Variants in LRRTM4 observed in about 807,000 individuals in gnomAD.
The protein encoded by LRRTM4 is leucine rich repeat transmembrane neuronal 4.
Under a neutral mutation model 47.6 loss-of-function variants are expected in LRRTM4, and 25 were observed. The ratio of observed to expected loss-of-function variants is 0.53; its 90% CI spans 0.38 to 0.73. The LOEUF is 0.73. LRRTM4 is among the 30% of genes least tolerant of loss of function. The probability of loss-of-function intolerance (pLI) is 0.00; values close to 1 mark genes in which losing one functional copy is unlikely to be tolerated. For missense variants in LRRTM4, 638 were observed against 713.4 expected (o/e 0.89, Z 1.20); for synonymous variants, 311 against 269.5 (o/e 1.15, Z -1.51).
At chr2:77,092,659 ACTTTCACTGG>A (rs1193861231) in intron 3 of LRRTM4, among the ~76,000 whole-genome samples, 20 of 144,908 alleles carry the variant, frequency 1.4e-4, no homozygotes, top group Middle Eastern at 6.8e-3. Context: ...CTAGGTAGAT[ACTTTCACTGG>A]ATAGGTACAG....
intron 3 of LRRTM4, among the ~76,000 whole-genome samples, chr2:77,490,862 C>A (rs1482095135): frequency 6.7e-6 from 1 of 150,264 alleles, no homozygotes; most frequent in Non-Finnish European, 1.5e-5. Context: ...AATGTGAGTC[C>A]AGTAAAAAGT....
chr2:77,130,977 G>T (rs1299721643), intron 3 of LRRTM4, among the ~76,000 whole-genome samples: 2 of 145,814 alleles, frequency 1.4e-5, no homozygotes, highest in East Asian at 4.1e-4. Flanking sequence ...TGGGACTACA[G>T]GCGCCCGCCA....
intron 3 of LRRTM4, among the ~76,000 whole-genome samples, chr2:77,407,705 A>AAT (rs1674265366): frequency 7.2e-6 from 1 of 139,590 alleles, no homozygotes; most frequent in African/African-American, 2.7e-5. Context: ...TGATATATAT[A>AAT]ATATATCATA....
At chr2:77,112,679 T>C (rs747082743) in intron 3 of LRRTM4, among the ~76,000 whole-genome samples, 1 of 151,580 alleles carries the variant, frequency 6.6e-6, no homozygotes, top group South Asian at 2.1e-4. Flanking sequence ...AAAGCATACA[T>C]AAATCAGAGA....
intron 3 of LRRTM4, among the ~76,000 whole-genome samples, chr2:77,398,439 C>CT (rs34136050): frequency 3.3e-5 from 5 of 151,600 alleles, no homozygotes; most frequent in South Asian, 2.1e-4. Flanking sequence ...CAAACACATA[C>CT]TTTTTTTTCA....
Position 76,796,181 on chromosome 2 carries a change from C to T in LRRTM4, c.1552-47265G>A, listed in dbSNP as rs942338709. On this transcript the variant is annotated intron_variant, in intron 3 of 3. Transcript: ENST00000409884. ...GCAGGGTCCTACGCCCACAGAGCCT[C>T]GCTGATTGCTAGCACAGCAGTCTGA... Among the ~76,000 whole-genome samples the T allele has an allele frequency of 2.6e-4, 38 of 143,796 alleles. 3 individuals are homozygous for T. Among genetic ancestry groups the T allele is most frequent in the African/African-American group, 6.1e-4 (24 of 39,412 alleles). 94.3% of individuals were successfully genotyped at this position (143,796 alleles called of 152,430 possible).
intron 3 of LRRTM4, among the ~76,000 whole-genome samples, chr2:77,154,101 A>C (rs937499770): frequency 6.6e-6 from 1 of 152,214 alleles, no homozygotes; most frequent in Non-Finnish European, 1.5e-5. Context: ...GGGACAGTGC[A>C]AAGTGTTCTT....
intron 3 of LRRTM4, among the ~76,000 whole-genome samples, chr2:76,960,727 T>A (rs1248814020): frequency 6.6e-6 from 1 of 151,732 alleles, no homozygotes; most frequent in African/African-American, 2.4e-5. Flanking sequence ...TCATTTGTTA[T>A]GTAACACTAT....
intron 3 of LRRTM4, among the ~76,000 whole-genome samples, chr2:77,357,698 A>T (rs1395161052): frequency 6.6e-6 from 1 of 152,250 alleles, no homozygotes; most frequent in African/African-American, 2.4e-5. Context: ...ATTTAAGATT[A>T]AAATGATGTA....
At chr2:76,921,535 A>G (rs150193110) in intron 3 of LRRTM4, among the ~76,000 whole-genome samples, 20 of 152,194 alleles carry the variant, frequency 1.3e-4, no homozygotes, top group African/African-American at 4.8e-4. Flanking sequence ...CTAACCTAAT[A>G]TAGCAGGTAG....
intron 3 of LRRTM4, among the ~76,000 whole-genome samples, chr2:77,046,060 A>G (rs1433888377): frequency 6.6e-6 from 1 of 151,920 alleles, no homozygotes; most frequent in Non-Finnish European, 1.5e-5. Context: ...CACATTCTGG[A>G]TTTGTACGTT....
chr2:76,893,754 G>T (rs1673324922), intron 3 of LRRTM4, among the ~76,000 whole-genome samples: 1 of 151,752 alleles, frequency 6.6e-6, no homozygotes, highest in South Asian at 2.1e-4. Context: ...CTTTCTCATT[G>T]CATCCTGCCC....
chr2:76,882,640 G>A (rs938879248), intron 3 of LRRTM4, among the ~76,000 whole-genome samples: 1 of 152,170 alleles, frequency 6.6e-6, no homozygotes, highest in Non-Finnish European at 1.5e-5. Context: ...CAACTAGTCA[G>A]TTGTAAAAAG....
Position 77,127,312 on chromosome 2 carries a change from G to C in LRRTM4, c.1552-378396C>G, listed in dbSNP as rs190451296. Among the ~76,000 whole-genome samples, 81 of 152,104 alleles carry C rather than the reference G, an allele frequency of 5.3e-4. No homozygotes were observed. In the East Asian group the frequency reaches 7.0e-3, roughly 13 times the overall value. On this transcript the variant is annotated intron_variant, in intron 3 of 3. Transcript: ENST00000409884. The stretch of plus-strand genomic sequence containing the variant: ...ATGGCTGTCTTGTAATTTTCATATG[G>C]CTCCTGGTATGCACTTAACAGACAT...
intron 3 of LRRTM4, among the ~76,000 whole-genome samples, chr2:77,508,292 G>A (rs1678854389): frequency 6.6e-6 from 1 of 152,170 alleles, no homozygotes; most frequent in Admixed American, 6.6e-5. Flanking sequence ...ACTCTGAAGT[G>A]ACACGAATTC....
intron 3 of LRRTM4, among the ~76,000 whole-genome samples, chr2:77,349,449 T>C (rs1463896469): frequency 1.3e-5 from 2 of 151,914 alleles, no homozygotes; most frequent in Admixed American, 1.3e-4. Context: ...TTTAAACAAA[T>C]GGGAAGTGAT....
intron 3 of LRRTM4, among the ~76,000 whole-genome samples, chr2:77,493,625 A>T (rs1678251186): frequency 6.6e-6 from 1 of 152,136 alleles, no homozygotes; most frequent in Admixed American, 6.6e-5. Flanking sequence ...TGGAGAGAAG[A>T]TATAATATTT....
At chr2:77,480,835 GAGAGA>G (rs1305613767) in intron 3 of LRRTM4, among the ~76,000 whole-genome samples, 4,305 of 50,184 alleles carry the variant, frequency 0.086, 68 homozygotes, top group Non-Finnish European at 0.1. Flanking sequence ...GAGAGAGAGA[GAGAGA>G]GAGAGAGAGA....
intron 3 of LRRTM4, among the ~76,000 whole-genome samples, chr2:77,046,400 C>T (rs1019777633): frequency 4.6e-5 from 7 of 151,940 alleles, no homozygotes; most frequent in African/African-American, 1.4e-4. Flanking sequence ...AATAGTTACA[C>T]ATCTTTGGGA....
Sources: gnomAD v4.1 joint callset for allele counts (sites outside exome capture counted in the v4.1 genomes callset) on GRCh38, gnomAD v4.1.1 for gene constraint, MANE v1.5 for transcripts, NCBI Gene and HGNC (gene_info 2026-07-23, HGNC 2026-07-21) for gene names.